DBX2: variants seen among roughly 807,000 people sequenced by gnomAD.
DBX2 encodes the protein developing brain homeobox 2.
DBX2 carries 16 observed loss-of-function variants against 17.7 expected under a neutral mutation model. That is an observed-to-expected ratio of 0.90 (90% CI 0.61 to 1.37). The LOEUF (loss-of-function observed/expected upper bound fraction) is 1.37, where lower values mean the gene tolerates loss of function less well. Among genes scored for constraint, DBX2 ranks in the 40% most tolerant of loss-of-function variants. The pLI is 0.00. For missense variants in DBX2, 538 were observed against 433.8 expected, an observed-to-expected ratio of 1.24 and a Z score of -2.13; for synonymous variants, 255 against 183.8, an observed-to-expected ratio of 1.39 and a Z score of -3.13.
At chr12:45,019,713 C>G (rs1195715120) in intron 3 of DBX2, among the ~76,000 whole-genome samples, 2 of 151,720 alleles carry the variant, frequency 1.3e-5, no homozygotes, top group Non-Finnish European at 2.9e-5. Context: ...TTATGAAAGA[C>G]AAAAAAGAAT....
chr12:45,029,591 G>A (rs557165302), intron 2 of DBX2, among the ~76,000 whole-genome samples: 12 of 152,302 alleles, frequency 7.9e-5, no homozygotes, highest in South Asian at 2.1e-4. Flanking sequence ...TAGGCTGGGC[G>A]CAGTGGCTCA....
At chr12:45,022,686 A>G (rs1204596655) in intron 3 of DBX2, among the ~76,000 whole-genome samples, 2 of 152,226 alleles carry the variant, frequency 1.3e-5, no homozygotes, top group African/African-American at 4.8e-5. Context: ...TGGTTTGAAC[A>G]GAGCCTCCTC....
rs184297727 is a variant in DBX2 at position 45,015,437 on chromosome 12, T to C, written c.*849A>G. 15 of 152,304 alleles carry C rather than the reference T, an allele frequency of 9.8e-5. No individual in the cohort carries two copies. 9.4% of individuals were successfully genotyped at this position (152,304 alleles called of 1,614,324 possible). ...ACATTTTGTTTGGCCAATACAGTAT[T>C]TGAAAAATTACTTGACTCAAATATC... On this transcript the variant is annotated 3_prime_UTR_variant, in exon 4 of 4. Transcript: ENST00000332700.
chr12:45,036,103 G>A lies in DBX2; in HGVS notation c.415C>T (p.Pro139Ser), dbSNP rs1946439544. 1.2e-6 allele frequency: 2 copies of A among 1,612,134 alleles called. No homozygotes were observed. The highest frequency in any genetic ancestry group is 2.2e-5 in the East Asian group (1 of 44,824). The change falls in exon 2 of 4, where the codon CCT (proline) becomes TCT (serine). Residue 139 changes from proline to serine, a missense_variant. Physicochemically the swap from Pro to Ser is moderately conservative, Grantham distance 74. Transcript: ENST00000332700. ...FQPSAPAPSK[P>S]FLLSTPPFYS... The stretch of plus-strand genomic sequence containing the variant: ...AATGGCGGGGTGCTCAGAAGGAAAG[G>A]TTTGGAAGGTGCTGCAGAGAAAGCA...
In DBX2 at chr12:45,027,309, T is replaced by C. The variant is rs1946386381; in HGVS notation, c.500-3415A>G. ...TGCCACAGATATCCCTCACTATAGATGAAGACGTGTTCAGAGCAGTCAAGG... is the reference window on the plus strand; with the variant it reads ...TGCCACAGATATCCCTCACTATAGACGAAGACGTGTTCAGAGCAGTCAAGG... On this transcript the variant is annotated intron_variant, in intron 2 of 3. Transcript: ENST00000332700. Among the ~76,000 whole-genome samples, 3 of 152,220 alleles carry C rather than the reference T, an allele frequency of 2.0e-5. No homozygotes were observed. The South Asian group carries it at 6.2e-4, about 32-fold the overall frequency.
At chr12:45,048,205 T>G (rs1946510118) in intron 1 of DBX2, among the ~76,000 whole-genome samples, 1 of 152,144 alleles carries the variant, frequency 6.6e-6, no homozygotes, top group African/African-American at 2.4e-5. Flanking sequence ...ATTTCACCAA[T>G]GAACTTAAAA....
intron 2 of DBX2, 61 bp from the exon 3 acceptor site, chr12:45,023,955 C>T: frequency 1.4e-6 from 2 of 1,463,152 alleles, no homozygotes; most frequent in South Asian, 2.8e-5. Context: ...TCAGTCTTTC[C>T]TAGGACAATA....
intron 3 of DBX2, among the ~76,000 whole-genome samples, chr12:45,022,148 C>A (rs1308770888): frequency 6.6e-6 from 1 of 152,050 alleles, no homozygotes; most frequent in Non-Finnish European, 1.5e-5. Flanking sequence ...CTCATTAGTA[C>A]CACACAGCGA....
intron 3 of DBX2, among the ~76,000 whole-genome samples, chr12:45,022,305 T>G (rs945001999): frequency 2.2e-5 from 3 of 136,780 alleles, no homozygotes; most frequent in African/African-American, 5.5e-5. Flanking sequence ...ACTGTTTTTT[T>G]TTTTTTTTTT....
rs576695265 is a variant in DBX2, at chr12:45,015,380, C to T, written c.*906G>A. 2 of 152,262 alleles carry T rather than the reference C, an allele frequency of 1.3e-5. No individual in the cohort carries two copies. The highest frequency in any genetic ancestry group is 1.9e-4 in the East Asian group (1 of 5,176). The allele number at this position is 152,262 out of a possible 1,614,324, so 9.4% of individuals were successfully genotyped here. On this transcript the variant is annotated 3_prime_UTR_variant, in exon 4 of 4. Coordinates refer to ENST00000332700, the MANE Select transcript of DBX2 (RefSeq NM_001004329.3). The stretch of plus-strand genomic sequence containing the variant: ...CTGTGACACCACGGCTTTCTTTAGT[C>T]TTAGCCAGAGGTCACAAACTTCTTG...
chr12:45,031,215 TGTGTGTGTGTGAGAGAGA>T (rs201821836), intron 2 of DBX2, among the ~76,000 whole-genome samples: 5,073 of 103,286 alleles, frequency 0.049, 322 homozygotes, highest in East Asian at 0.32. Context: ...TGTGTGTGTG[TGTGTGTGTGTGAGAGAGA>T]GAGAGAGAGA....
At chr12:45,040,946 A>G (rs549960890) in intron 1 of DBX2, among the ~76,000 whole-genome samples, 2 of 151,878 alleles carry the variant, frequency 1.3e-5, no homozygotes, top group Non-Finnish European at 2.9e-5. Flanking sequence ...AAGACCACTA[A>G]TAAAACCTTC....
chr12:45,034,543 A>C (rs764618933), intron 2 of DBX2, among the ~76,000 whole-genome samples: 1 of 152,184 alleles, frequency 6.6e-6, no homozygotes, highest in Non-Finnish European at 1.5e-5. Context: ...TAAATGGACA[A>C]TTAATAGGTC....
At chr12:45,039,066 G>A (rs959086528) in intron 1 of DBX2, among the ~76,000 whole-genome samples, 4 of 151,226 alleles carry the variant, frequency 2.6e-5, no homozygotes, top group Non-Finnish European at 4.4e-5. Context: ...ATTTACACAC[G>A]AGTTTAAGTC....
chr12:45,050,904 G>A lies in DBX2; in HGVS notation c.24C>T (p.Ala8=). The stretch of plus-strand genomic sequence containing the variant: ...CAACGTCCCAGTACGCACCGGCGTG[G>A]GCTGCGACCGCGCTGGGGAGCATAG... MLPSAVA[A]HAGAYWDVVA... is the part of the protein sequence containing the mutation. Residue 8 remains alanine, a synonymous_variant, in exon 1 of 4, where the codon GCC becomes GCT. Coordinates refer to ENST00000332700, the MANE Select transcript of DBX2 (RefSeq NM_001004329.3). The A allele has an allele frequency of 6.6e-7, 1 of 1,510,272 alleles. No homozygotes were observed. The highest frequency in any genetic ancestry group is 8.8e-7 in the Non-Finnish European group (1 of 1,131,100). The allele number at this position is 1,510,272 out of a possible 1,614,324, so 93.6% of individuals were successfully genotyped here. A position where few individuals can be genotyped will look rare whatever the true frequency, so the allele number is the denominator to read the frequency against.
intron 1 of DBX2, among the ~76,000 whole-genome samples, chr12:45,046,868 C>T (rs1040375990): frequency 5.3e-5 from 8 of 152,184 alleles, no homozygotes; most frequent in Non-Finnish European, 8.8e-5. Context: ...CACAGAATGA[C>T]TTACTTGGCA....
intron 1 of DBX2, among the ~76,000 whole-genome samples, chr12:45,048,797 A>G (rs1946513916): frequency 6.6e-6 from 1 of 152,216 alleles, no homozygotes; most frequent in African/African-American, 2.4e-5. Flanking sequence ...ATTAATCTAG[A>G]ACATCATATC....
At chr12:45,035,099 T>C (rs1946432665) in intron 2 of DBX2, among the ~76,000 whole-genome samples, 2 of 152,386 alleles carry the variant, frequency 1.3e-5, no homozygotes, top group East Asian at 1.9e-4. Context: ...TCAGGAATTA[T>C]TCTGTCGAGC....
In DBX2 at chr12:45,023,875, A is replaced by G; in HGVS notation, c.519T>C (p.Pro173=). Residue 173 remains proline (P), a synonymous_variant, in exon 3 of 4, where the codon CCT becomes CCC. Coordinates refer to ENST00000332700, the MANE Select transcript of DBX2 (RefSeq NM_001004329.3). ...TAFPREESML[P]LLTQDSNSKA... ...TGGAATTAGAGTCCTGTGTCAGGAG[A>G]GGCAGCATGCTCTCTTCTCCTAGAG... 6.4e-7 allele frequency: 1 copy of G among 1,574,728 alleles called. No homozygotes were observed. Among genetic ancestry groups the G allele is most frequent in the Non-Finnish European group, 8.6e-7 (1 of 1,165,322 alleles).
Sources: allele counts gnomAD v4.1 joint callset (sites outside exome capture counted in the v4.1 genomes callset), GRCh38; gene constraint gnomAD v4.1.1; transcripts MANE v1.5; gene names NCBI Gene and HGNC (gene_info 2026-07-23, HGNC 2026-07-21).